KCNH8: variants seen among roughly 807,000 people sequenced by gnomAD.
The protein encoded by KCNH8 is potassium voltage-gated channel subfamily H member 8.
Under a neutral mutation model 103.6 loss-of-function variants are expected in KCNH8, and 70 were observed. The ratio of observed to expected loss-of-function variants is 0.68; its 90% CI spans 0.56 to 0.82. The LOEUF (loss-of-function observed/expected upper bound fraction) is 0.82, where lower values mean the gene tolerates loss of function less well. Among genes scored for constraint, KCNH8 ranks in the 40% least tolerant of loss-of-function variants. The probability of loss-of-function intolerance (pLI) is 0.00; values close to 1 mark genes in which losing one functional copy is unlikely to be tolerated. For synonymous variants in KCNH8, 498 were observed against 489.4 expected (o/e 1.02, Z -0.23); for missense variants, 1,217 against 1,329.9 (o/e 0.92, Z 1.32).
At chr3:19,358,596 A>G (rs1183230399) in intron 5 of KCNH8, among the ~76,000 whole-genome samples, 1 of 152,030 alleles carries the variant, frequency 6.6e-6, no homozygotes, top group East Asian at 1.9e-4. Context: ...AATGGACTAA[A>G]TAAAAACAAG....
chr3:19,390,767 C>T lies in KCNH8; in HGVS notation c.969+129C>T, dbSNP rs952933112. The T allele has an allele frequency of 1.9e-4, 156 of 808,876 alleles. 1 individual carries two copies. Among genetic ancestry groups the T allele is most frequent in the Middle Eastern group, 1.2e-3 (5 of 4,142 alleles). The allele number at this position is 808,876 out of a possible 1,614,324, so 50.1% of individuals were successfully genotyped here. ...CTTCTTCAATAAAGATGCCCTGATG[C>T]CCAGTGATATGCAGGCCAGATTCTT... On this transcript the variant is annotated intron_variant, in intron 6 of 15. Transcript: ENST00000328405.
chr3:19,269,754 ATGGATTTCAAAGT>A (rs1276396996), intron 2 of KCNH8, among the ~76,000 whole-genome samples: 1 of 152,160 alleles, frequency 6.6e-6, no homozygotes, highest in Non-Finnish European at 1.5e-5. Flanking sequence ...GCTTCCGCTC[ATGGATTTCAAAGT>A]AAAAGCCTTA....
chr3:19,389,608 T>G (rs892804342), intron 5 of KCNH8, among the ~76,000 whole-genome samples: 2 of 151,938 alleles, frequency 1.3e-5, no homozygotes, highest in Non-Finnish European at 2.9e-5. Context: ...GGAATATAGA[T>G]TTCAGATTAT....
intron 11 of KCNH8, among the ~76,000 whole-genome samples, chr3:19,484,803 G>A (rs1384332903): frequency 2.0e-5 from 3 of 152,064 alleles, no homozygotes; most frequent in African/African-American, 7.2e-5. Context: ...AGTTGAGATT[G>A]TTTGTGTAAT....
intron 11 of KCNH8, among the ~76,000 whole-genome samples, chr3:19,494,522 C>G (rs1345409004): frequency 1.3e-5 from 2 of 152,114 alleles, no homozygotes; most frequent in Admixed American, 1.3e-4. Flanking sequence ...TCCAATAAAC[C>G]TCTTTCTTTT....
At chr3:19,481,998 C>T (rs1163400040) in intron 11 of KCNH8, among the ~76,000 whole-genome samples, 3 of 152,116 alleles carry the variant, frequency 2.0e-5, no homozygotes, top group African/African-American at 7.2e-5. Context: ...TCGGCAGACT[C>T]ACGTCTCCAA....
intron 7 of KCNH8, among the ~76,000 whole-genome samples, chr3:19,434,570 C>A (rs1207948420): frequency 1.3e-5 from 2 of 152,198 alleles, no homozygotes; most frequent in African/African-American, 4.8e-5. Context: ...CCTCTCCCAG[C>A]AAACTGCTTG....
intron 1 of KCNH8, among the ~76,000 whole-genome samples, chr3:19,223,430 T>C (rs1344104883): frequency 6.6e-6 from 1 of 152,212 alleles, no homozygotes; most frequent in Non-Finnish European, 1.5e-5. Context: ...TAGTTGCCTT[T>C]TGTTTTGGGG....
At chr3:19,371,684 C>A (rs1315815758) in intron 5 of KCNH8, among the ~76,000 whole-genome samples, 8 of 150,918 alleles carry the variant, frequency 5.3e-5, no homozygotes, top group South Asian at 2.1e-4. Flanking sequence ...AAGTCCTTGC[C>A]CATGCCTATG....
At chr3:19,366,951 T>A (rs1574973460) in intron 5 of KCNH8, among the ~76,000 whole-genome samples, 1 of 152,074 alleles carries the variant, frequency 6.6e-6, no homozygotes, top group Non-Finnish European at 1.5e-5. Context: ...GTATTAAATA[T>A]TTGTTGAGGA....
intron 5 of KCNH8, among the ~76,000 whole-genome samples, chr3:19,374,134 G>C (rs1341043870): frequency 6.6e-6 from 1 of 150,732 alleles, no homozygotes; most frequent in East Asian, 1.9e-4. Context: ...TCCACTTGGT[G>C]CAGAGCTGAG....
chr3:19,257,411 C>G (rs2064360443), intron 2 of KCNH8, among the ~76,000 whole-genome samples: 2 of 151,986 alleles, frequency 1.3e-5, no homozygotes, highest in Non-Finnish European at 2.9e-5. Flanking sequence ...ATCCTTCAAG[C>G]TGAGATGGAC....
intron 1 of KCNH8, among the ~76,000 whole-genome samples, chr3:19,216,809 G>C (rs2063822731): frequency 1.3e-5 from 2 of 152,182 alleles, no homozygotes; most frequent in South Asian, 4.2e-4. Context: ...TTATCAACAG[G>C]ATTGGTTTTT....
chr3:19,452,881 T>G lies in KCNH8; in HGVS notation c.1825+1477T>G, dbSNP rs1006721197. On this transcript the variant is annotated intron_variant, in intron 10 of 15. Coordinates refer to ENST00000328405, the MANE Select transcript of KCNH8 (RefSeq NM_144633.3). The stretch of plus-strand genomic sequence containing the variant: ...GTCTAAACAATATCTATTTTTCTAA[T>G]TTTAAAAAAACCCTGCACTCATATG... Among the ~76,000 whole-genome samples, 31 of 152,164 alleles carry G rather than the reference T, an allele frequency of 2.0e-4. 1 individual carries two copies. The highest frequency in any genetic ancestry group is 7.5e-4 in the African/African-American group (31 of 41,454).
intron 1 of KCNH8, among the ~76,000 whole-genome samples, chr3:19,167,625 G>A (rs947912111): frequency 7.2e-5 from 11 of 152,232 alleles, no homozygotes; most frequent in South Asian, 6.2e-4. Flanking sequence ...CACGAGAATC[G>A]TAAAAGTGAA....
chr3:19,181,766 A>C (rs1027862413), intron 1 of KCNH8, among the ~76,000 whole-genome samples: 1 of 152,190 alleles, frequency 6.6e-6, no homozygotes, highest in Non-Finnish European at 1.5e-5. Flanking sequence ...GATTATTAGC[A>C]TACATATTCA....
intron 1 of KCNH8, among the ~76,000 whole-genome samples, chr3:19,192,162 G>A (rs927996056): frequency 4.6e-5 from 7 of 151,604 alleles, no homozygotes; most frequent in East Asian, 3.9e-4. Flanking sequence ...TGTTTGGGGG[G>A]AACAATAACC....
chr3:19,491,490 C>T (rs1196096570), intron 11 of KCNH8, among the ~76,000 whole-genome samples: 1 of 152,202 alleles, frequency 6.6e-6, no homozygotes, highest in Non-Finnish European at 1.5e-5. Flanking sequence ...ATCCATGTTG[C>T]TGTGAAAGAC....
intron 1 of KCNH8, among the ~76,000 whole-genome samples, chr3:19,234,383 G>A (rs868267285): frequency 1.3e-5 from 2 of 152,210 alleles, no homozygotes; most frequent in African/African-American, 4.8e-5. Flanking sequence ...CACGGAGTTG[G>A]GGGGAGGCTC....
Sources: allele counts gnomAD v4.1 joint callset (sites outside exome capture counted in the v4.1 genomes callset), GRCh38; gene constraint gnomAD v4.1.1; transcripts MANE v1.5; gene names NCBI Gene and HGNC (gene_info 2026-07-23, HGNC 2026-07-21).